The following PAK5 variants were observed in gnomAD, a reference collection of about 807,000 sequenced individuals.
PAK5 encodes the protein p21 (RAC1) activated kinase 5, also known as serine/threonine-protein kinase PAK 5.
A neutral mutation model predicts 65.9 loss-of-function variants in PAK5; 16 were observed. The ratio of observed to expected loss-of-function variants is 0.24; its 90% CI spans 0.16 to 0.37. The LOEUF (loss-of-function observed/expected upper bound fraction) is 0.37. Among genes scored for constraint, PAK5 ranks in the 10% least tolerant of loss-of-function variants. The pLI is 1.00. For missense variants in PAK5, 785 were observed against 903.9 expected, an observed-to-expected ratio of 0.87 and a Z score of 1.69; for synonymous variants, 371 against 354.9, an observed-to-expected ratio of 1.05 and a Z score of -0.51.
chr20:9,732,410 T>C (rs547671297), intron 1 of PAK5, among the ~76,000 whole-genome samples: 1 of 152,318 alleles, frequency 6.6e-6, no homozygotes, highest in Non-Finnish European at 1.5e-5. Context: ...ATATTATGCA[T>C]GTGTTCATTA....
At chr20:9,821,993 C>T (rs190450386) in intron 1 of PAK5, among the ~76,000 whole-genome samples, 20 of 152,250 alleles carry the variant, frequency 1.3e-4, no homozygotes, top group East Asian at 5.8e-4. Flanking sequence ...CCACCAGTAC[C>T]CTACAAGAAT....
At chr20:9,585,734 G>T (rs1454991047) in intron 3 of PAK5, among the ~76,000 whole-genome samples, 2 of 152,216 alleles carry the variant, frequency 1.3e-5, no homozygotes, top group Non-Finnish European at 2.9e-5. Flanking sequence ...AGAAGGAGGT[G>T]CTAGAGAACA....
intron 1 of PAK5, among the ~76,000 whole-genome samples, chr20:9,774,280 G>A (rs937350101): frequency 5.3e-5 from 8 of 152,160 alleles, no homozygotes; most frequent in Non-Finnish European, 7.4e-5. Context: ...TGAAAGCTAT[G>A]ATTGGAGAAA....
chr20:9,678,334 G>A (rs912544114), intron 2 of PAK5, among the ~76,000 whole-genome samples: 5 of 152,204 alleles, frequency 3.3e-5, no homozygotes, highest in African/African-American at 4.8e-5. Context: ...TCGGGAGGCC[G>A]AGGCAGGTGG....
chr20:9,742,703 A>C (rs1476222956), intron 1 of PAK5, among the ~76,000 whole-genome samples: 1 of 152,200 alleles, frequency 6.6e-6, no homozygotes, highest in Non-Finnish European at 1.5e-5. Context: ...ATTTATCTAC[A>C]TACTTGATCT....
intron 3 of PAK5, among the ~76,000 whole-genome samples, chr20:9,586,201 TGGG>T (rs1309595909): frequency 6.6e-6 from 1 of 152,142 alleles, no homozygotes; most frequent in South Asian, 2.1e-4. Context: ...ATGTCTGTGA[TGGG>T]GGGTAGACTG....
chr20:9,831,033 C>A (rs567736960), intron 1 of PAK5, among the ~76,000 whole-genome samples: 2 of 152,342 alleles, frequency 1.3e-5, no homozygotes, highest in East Asian at 1.9e-4. Context: ...AGGCACCCCC[C>A]CTCCTATCCC....
intron 1 of PAK5, among the ~76,000 whole-genome samples, chr20:9,779,910 T>C (rs371770329): frequency 1.3e-5 from 2 of 152,046 alleles, no homozygotes; most frequent in South Asian, 2.1e-4. Flanking sequence ...CTTGAACAAA[T>C]TATGTATAAT....
At chr20:9,818,375 T>C (rs939792695) in intron 1 of PAK5, among the ~76,000 whole-genome samples, 11 of 152,208 alleles carry the variant, frequency 7.2e-5, no homozygotes, top group African/African-American at 2.7e-4. Flanking sequence ...TGTTCAGAGT[T>C]AAGCTCCATC....
In PAK5 at chr20:9,812,447, C is replaced by G. The variant is rs148970400; in HGVS notation, c.-162+26315G>C. On this transcript the variant is annotated intron_variant, in intron 1 of 9. Coordinates refer to ENST00000353224, the MANE Select transcript of PAK5 (RefSeq NM_177990.4). ...CACAATGAGATATCACCACTCCTAT[C>G]AGATTAGCAAAAATTTTAAAAAGAC... Among the ~76,000 whole-genome samples the G allele has an allele frequency of 1.0e-3, 155 of 152,196 alleles. 1 individual carries two copies. Among genetic ancestry groups the G allele is most frequent in the African/African-American group, 3.4e-3 (143 of 41,546 alleles).
In PAK5 at chr20:9,622,682, G is replaced by A. The variant is rs150029686; in HGVS notation, c.204+21443C>T. Among the ~76,000 whole-genome samples the A allele has an allele frequency of 2.2e-3, 337 of 152,288 alleles. 2 individuals are homozygous for A. Among genetic ancestry groups the A allele is most frequent in the African/African-American group, 7.4e-3 (306 of 41,562 alleles). ...AGCGACATTATATTCTCATAGGGTT[G>A]CAAACCCTATGGTGAACCAAGCATG... On this transcript the variant is annotated intron_variant, in intron 3 of 9. Transcript: ENST00000353224.
intron 3 of PAK5, among the ~76,000 whole-genome samples, chr20:9,603,306 C>G (rs2046393001): frequency 6.6e-6 from 1 of 152,306 alleles, no homozygotes. Context: ...GCAAGCTTTA[C>G]CTGGAAGAGA....
At chr20:9,654,263 G>T (rs754578830) in intron 2 of PAK5, among the ~76,000 whole-genome samples, 4 of 152,036 alleles carry the variant, frequency 2.6e-5, no homozygotes, top group Non-Finnish European at 4.4e-5. Context: ...GTGAGCCACC[G>T]TGCCCGGCCC....
chr20:9,788,823 A>G (rs1216650716), intron 1 of PAK5, among the ~76,000 whole-genome samples: 1 of 152,182 alleles, frequency 6.6e-6, no homozygotes, highest in East Asian at 1.9e-4. Flanking sequence ...CAAGAAGCAG[A>G]GAGACTAGTA....
intron 3 of PAK5, among the ~76,000 whole-genome samples, chr20:9,618,949 T>TTTTTTTTTTTTTTTTTTTTTTTTA (rs1569002808): frequency 8.4e-6 from 1 of 119,022 alleles, no homozygotes; most frequent in Non-Finnish European, 1.8e-5. Flanking sequence ...TTTTTTTTTT[T>TTTTTTTTTTTTTTTTTTTTTTTTA]AATCTCACTG....
intron 1 of PAK5, among the ~76,000 whole-genome samples, chr20:9,825,327 T>A (rs1195917638): frequency 6.6e-6 from 1 of 152,212 alleles, no homozygotes; most frequent in Non-Finnish European, 1.5e-5. Context: ...TATTTTTTAG[T>A]AAGGTACAGT....
At chr20:9,546,598 G>A (rs118160609) in intron 7 of PAK5, among the ~76,000 whole-genome samples, 14 of 152,312 alleles carry the variant, frequency 9.2e-5, no homozygotes, top group Non-Finnish European at 1.8e-4. Flanking sequence ...GATCGAAATT[G>A]AGGCATTACA....
chr20:9,620,821 C>G (rs540701895), intron 3 of PAK5, among the ~76,000 whole-genome samples: 1 of 151,968 alleles, frequency 6.6e-6, no homozygotes, highest in Non-Finnish European at 1.5e-5. Flanking sequence ...GCCATCAGTC[C>G]CCAGGTGTAG....
chr20:9,603,579 C>T (rs1011612147), intron 3 of PAK5, among the ~76,000 whole-genome samples: 16 of 152,134 alleles, frequency 1.1e-4, no homozygotes, highest in African/African-American at 3.1e-4. Flanking sequence ...TGAGCTAATA[C>T]CCCAACTGGT....
Sources: gnomAD v4.1 joint callset for allele counts (sites outside exome capture counted in the v4.1 genomes callset) on GRCh38, gnomAD v4.1.1 for gene constraint, MANE v1.5 for transcripts, NCBI Gene and HGNC (gene_info 2026-07-23, HGNC 2026-07-21) for gene names.